NCOA2: variants seen among roughly 807,000 people sequenced by gnomAD.
The protein encoded by NCOA2 is class E basic helix-loop-helix protein 75.
NCOA2 carries 21 observed loss-of-function variants against 145.1 expected under a neutral mutation model. The observed-to-expected ratio is 0.14, with a 90% CI of 0.10 to 0.21. The LOEUF is 0.21. Ranked by LOEUF, NCOA2 falls within the 10% of genes least tolerant of loss-of-function variation. The pLI is 1.00. For synonymous variants in NCOA2, 619 were observed against 637.5 expected (o/e 0.97, Z 0.44); for missense variants, 1,472 against 1,837.6 (o/e 0.80, Z 3.64).
At chr8:70,185,977 A>AT (rs35025427) in intron 4 of NCOA2, among the ~76,000 whole-genome samples, 5,979 of 148,306 alleles carry the variant, frequency 0.04, 143 homozygotes, top group South Asian at 0.1. Context: ...GGTTCACAGG[A>AT]TTTTTTTTTT....
chr8:70,376,002 A>G (rs1217933215), intron 1 of NCOA2, among the ~76,000 whole-genome samples: 2 of 152,210 alleles, frequency 1.3e-5, no homozygotes, highest in Non-Finnish European at 2.9e-5. Flanking sequence ...TTTATTCATT[A>G]TTATTTTCTA....
chr8:70,390,924 C>T (rs1388881726), intron 1 of NCOA2, among the ~76,000 whole-genome samples: 1 of 152,152 alleles, frequency 6.6e-6, no homozygotes, highest in Admixed American at 6.5e-5. Context: ...ATGATTTTTA[C>T]ATTTATGGTC....
the NCOA2 span, among the ~76,000 whole-genome samples, chr8:70,433,409 G>T: frequency 6.6e-6 from 1 of 151,934 alleles, no homozygotes; most frequent in Non-Finnish European, 1.5e-5. Flanking sequence ...TACAGGACAT[G>T]TTTTCCATTC....
At chr8:70,269,554 C>T (rs1349852996) in intron 2 of NCOA2, among the ~76,000 whole-genome samples, 1 of 152,156 alleles carries the variant, frequency 6.6e-6, no homozygotes, top group Admixed American at 6.5e-5. Context: ...CACACACTGG[C>T]ATCTTTCTAG....
chr8:70,446,165 C>G, the NCOA2 span, among the ~76,000 whole-genome samples: 1 of 152,170 alleles, frequency 6.6e-6, no homozygotes, highest in African/African-American at 2.4e-5. Flanking sequence ...TCCACCCCTC[C>G]ACATTGCTAC....
intron 14 of NCOA2, 42 bp from the exon 15 acceptor site, chr8:70,138,374 G>A (rs763799281): frequency 1.9e-6 from 3 of 1,540,978 alleles, no homozygotes; most frequent in Non-Finnish European, 2.6e-6. Flanking sequence ...TTTAATCAAG[G>A]AAGCATTTAT....
chr8:70,151,176 AAAAGT>A (rs1236283968), intron 11 of NCOA2, among the ~76,000 whole-genome samples: 7 of 152,232 alleles, frequency 4.6e-5, no homozygotes, highest in East Asian at 3.8e-4. Context: ...TGTAAACAAT[AAAAGT>A]AAAGTATGTT....
At chr8:70,215,101 A>T (rs1400568948) in intron 3 of NCOA2, among the ~76,000 whole-genome samples, 1 of 152,156 alleles carries the variant, frequency 6.6e-6, no homozygotes, top group Non-Finnish European at 1.5e-5. Context: ...TTACTGGCAC[A>T]GTAATTCAGA....
chr8:70,420,958 G>C, the NCOA2 span, among the ~76,000 whole-genome samples: 2 of 151,896 alleles, frequency 1.3e-5, no homozygotes, highest in African/African-American at 4.8e-5. Flanking sequence ...TGTTTTTTAA[G>C]GTATCTGTTA....
intron 17 of NCOA2, 91 bp downstream of exon 17, chr8:70,128,611 A>G: frequency 6.3e-7 from 1 of 1,591,254 alleles, no homozygotes; most frequent in South Asian, 1.1e-5. Context: ...CAGTATCTGC[A>G]CATTGTTGGA....
chr8:70,251,083 G>A (rs1230628174), intron 2 of NCOA2, among the ~76,000 whole-genome samples: 1 of 152,090 alleles, frequency 6.6e-6, no homozygotes, highest in African/African-American at 2.4e-5. Context: ...GGTGAGCCAG[G>A]GATAAAGAAA....
intron 1 of NCOA2, among the ~76,000 whole-genome samples, chr8:70,327,889 T>C (rs1447975733): frequency 6.6e-6 from 1 of 152,188 alleles, no homozygotes; most frequent in African/African-American, 2.4e-5. Flanking sequence ...AAGCAGCATT[T>C]TAACGAACCA....
chr8:70,267,392 G>GTTTTTTTTTTTTTT (rs34028372), intron 2 of NCOA2, among the ~76,000 whole-genome samples: 1 of 102,496 alleles, frequency 9.8e-6, no homozygotes, highest in Non-Finnish European at 2.0e-5. Flanking sequence ...TTTCCTTTCT[G>GTTTTTTTTTTTTTT]TTTTTTTTTT....
chr8:70,424,900 C>T, the NCOA2 span, among the ~76,000 whole-genome samples: 4 of 152,256 alleles, frequency 2.6e-5, no homozygotes, highest in South Asian at 2.1e-4. Context: ...CAAAAGGCAG[C>T]GTGGATCATC....
chr8:70,352,126 A>T (rs1473694636), intron 1 of NCOA2, among the ~76,000 whole-genome samples: 1 of 152,190 alleles, frequency 6.6e-6, no homozygotes, highest in African/African-American at 2.4e-5. Flanking sequence ...TTTAAAATAT[A>T]TACTAGTATT....
chr8:70,240,071 T>C (rs906207124), intron 2 of NCOA2, among the ~76,000 whole-genome samples: 2 of 152,162 alleles, frequency 1.3e-5, no homozygotes, highest in African/African-American at 2.4e-5. Flanking sequence ...TGTGGCCCTC[T>C]ACCCCTTTCC....
At chr8:70,167,976 A>G (rs1334380148) in intron 6 of NCOA2, among the ~76,000 whole-genome samples, 5 of 152,252 alleles carry the variant, frequency 3.3e-5, no homozygotes, top group African/African-American at 1.2e-4. Flanking sequence ...GTTCTTTTCT[A>G]TATCATTCCT....
At chr8:70,305,448 A>G in intron 1 of NCOA2, among the ~76,000 whole-genome samples, 1 of 152,230 alleles carries the variant, frequency 6.6e-6, no homozygotes, top group East Asian at 1.9e-4. Flanking sequence ...CAAAGCATGT[A>G]CGAGGGCAAG....
chr8:70,325,866 T>C (rs1023332387), intron 1 of NCOA2, among the ~76,000 whole-genome samples: 3 of 152,164 alleles, frequency 2.0e-5, no homozygotes, highest in Non-Finnish European at 4.4e-5. Context: ...CAAAGCTTCA[T>C]CATCTCTAAC....
Sources: allele counts gnomAD v4.1 joint callset (sites outside exome capture counted in the v4.1 genomes callset), GRCh38; gene constraint gnomAD v4.1.1; transcripts MANE v1.5; gene names NCBI Gene and HGNC (gene_info 2026-07-23, HGNC 2026-07-21).